Variants in CCL11 observed in about 807,000 individuals in gnomAD.
CCL11 encodes C-C motif chemokine ligand 11, also known as eotaxin.
CCL11 carries 7 observed loss-of-function variants against 7.3 expected under a neutral mutation model. The observed-to-expected ratio is 0.96, with a 90% CI of 0.55 to 1.81. The LOEUF is 1.81. CCL11 is among the 40% of genes most tolerant of loss of function. The probability of loss-of-function intolerance (pLI) is 0.00; values close to 1 mark genes in which losing one functional copy is unlikely to be tolerated. For missense variants in CCL11, 132 were observed against 114.2 expected (o/e 1.16, Z -0.71); for synonymous variants, 66 against 45.2 (o/e 1.46, Z -1.84).
rs371836921 is a variant in CCL11 at position 34,287,826 on chromosome 17, TTAA to T, written c.*137_*139del. 779 of 245,706 alleles carry T rather than the reference TTAA, an allele frequency of 3.2e-3. 3 individuals are homozygous for T. The highest frequency in any genetic ancestry group is 5.1e-3 in the African/African-American group (114 of 22,238). 15.2% of individuals were successfully genotyped at this position (245,706 alleles called of 1,614,324 possible). On this transcript the variant is annotated 3_prime_UTR_variant, in exon 3 of 3. Coordinates refer to ENST00000305869, the MANE Select transcript of CCL11 (RefSeq NM_002986.3). The stretch of plus-strand genomic sequence containing the variant: ...TTATTATATATATATATTTTTTTTT[TTAA>T]AAAAAAAACGTATTGCATTTAATTT...
rs757670053 is a variant in CCL11, at chr17:34,285,813, AG to A, written c.7del (p.Val3SerfsTer11). On this transcript the variant is annotated frameshift_variant, in exon 1 of 3. Coordinates refer to ENST00000305869, the MANE Select transcript of CCL11 (RefSeq NM_002986.3). LOFTEE classifies it high-confidence loss of function. M[K>X]VSAALLWLLL... is the part of the protein sequence containing the mutation. ...CTCACACCTTCAGCCTCCAACATGA[AG>A]GTCTCCGCAGCACTTCTGTGGCTGC... 1 of 1,611,596 alleles carries A rather than the reference AG, an allele frequency of 6.2e-7. No homozygotes were observed. The highest frequency in any genetic ancestry group is 8.5e-7 in the Non-Finnish European group (1 of 1,178,864).
intron 2 of CCL11, 140 bp downstream of exon 2, chr17:34,287,347 G>C: frequency 1.5e-6 from 1 of 680,476 alleles, no homozygotes; most frequent in South Asian, 1.8e-5. Context: ...TTTCACAAGT[G>C]AGTGTTCACT....
In CCL11 at chr17:34,285,889, G is replaced by A. The variant is rs1567648002; in HGVS notation, c.76+5G>A. 1.2e-6 allele frequency: 2 copies of A among 1,605,482 alleles called. No homozygotes were observed. The highest frequency in any genetic ancestry group is 2.2e-5 in the South Asian group (2 of 90,304). The stretch of plus-strand genomic sequence containing the variant: ...CCCAGGGGCTCGCTGGGCCAGGTAA[G>A]CCCCCCAACTCCTTACAGGAAAGGT... On this transcript the variant is annotated splice_donor_5th_base_variant and intron_variant, in intron 1 of 2. Coordinates refer to ENST00000305869, the MANE Select transcript of CCL11 (RefSeq NM_002986.3).
Position 34,288,229 on chromosome 17 carries a change from A to G in CCL11, c.*539A>G, listed in dbSNP as rs1329676118. 2 of 152,432 alleles carry G rather than the reference A, an allele frequency of 1.3e-5. No individual in the cohort carries two copies. Among genetic ancestry groups the G allele is most frequent in the African/African-American group, 2.4e-5 (1 of 41,442 alleles). The allele number at this position is 152,432 out of a possible 1,614,324, so 9.4% of individuals were successfully genotyped here. ...GGGCTTGGTTAAGGGGGTGGGAACT[A>G]TGTCCCTGGGAAATGAGTTTTTGGC... On this transcript the variant is annotated 3_prime_UTR_variant, in exon 3 of 3. Coordinates refer to ENST00000305869, the MANE Select transcript of CCL11 (RefSeq NM_002986.3).
chr17:34,286,011 G>A, intron 1 of CCL11, 127 bp downstream of exon 1: 1 of 655,856 alleles, frequency 1.5e-6, no homozygotes, highest in Non-Finnish European at 2.6e-6. Flanking sequence ...TTTTGTGGGT[G>A]GACAAGAAAT....
chr17:34,287,323 T>C (rs1230387457), intron 2 of CCL11, 116 bp downstream of exon 2: 6 of 733,942 alleles, frequency 8.2e-6, no homozygotes, highest in Admixed American at 7.4e-5. Flanking sequence ...ACCTCTATGG[T>C]CCAATTCATT....
chr17:34,287,153 G>T lies in CCL11; in HGVS notation c.134G>T (p.Arg45Leu). The T allele has an allele frequency of 3.1e-6, 5 of 1,613,916 alleles. No individual in the cohort carries two copies. The highest frequency in any genetic ancestry group is 1.1e-5 in the South Asian group (1 of 91,054). Residue 45 changes from arginine (R) to leucine (L), a missense_variant, in exon 2 of 3, where the codon CGA (arginine) becomes CTA (leucine). Transcript: ENST00000305869. ...NLANRKIPLQ[R>L]LESYRRITSG... The stretch of plus-strand genomic sequence containing the variant: ...GCCAATAGGAAGATACCCCTTCAGC[G>T]ACTAGAGAGCTACAGGAGAATCACC...
rs201654151 is a variant in CCL11 at position 34,287,817 on chromosome 17, T to TATATA, written c.*127_*128insATATA. On this transcript the variant is annotated 3_prime_UTR_variant, in exon 3 of 3. Coordinates refer to ENST00000305869, the MANE Select transcript of CCL11 (RefSeq NM_002986.3). ...GCATGGGTTTTATTATATATATATA[T>TATATA]TTTTTTTTTTAAAAAAAAAACGTAT... is the stretch of plus-strand genomic sequence containing the variant. 8.2e-6 allele frequency: 2 copies of TATATA among 243,016 alleles called. No homozygotes were observed. Among genetic ancestry groups the TATATA allele is most frequent in the Non-Finnish European group, 1.4e-5 (2 of 144,416 alleles). 15.1% of individuals were successfully genotyped at this position (243,016 alleles called of 1,614,324 possible). A position where few individuals can be genotyped will look rare whatever the true frequency, so the allele number is the denominator to read the frequency against.
Position 34,285,787 on chromosome 17 carries a change from G to T in CCL11, c.-22G>T. 3.1e-6 allele frequency: 5 copies of T among 1,602,242 alleles called. No homozygotes were observed. Among genetic ancestry groups the T allele is most frequent in the South Asian group, 1.1e-5 (1 of 89,914 alleles). On this transcript the variant is annotated 5_prime_UTR_variant, in exon 1 of 3. Transcript: ENST00000305869. Reference sequence around the variant, plus strand: ...AGAAACCACCACCTCTCACGCCAAAGCTCACACCTTCAGCCTCCAACATGA... The same window carrying T: ...AGAAACCACCACCTCTCACGCCAAATCTCACACCTTCAGCCTCCAACATGA...
chr17:34,287,528 C>G (rs1390706352), intron 2 of CCL11, 57 bp from the exon 3 acceptor site: 7 of 1,266,968 alleles, frequency 5.5e-6, no homozygotes, highest in Non-Finnish European at 8.1e-6. Flanking sequence ...TATTTAGGGT[C>G]AAATGGGCAG....
At chr17:34,287,528 C>T in intron 2 of CCL11, 57 bp from the exon 3 acceptor site, 3 of 1,267,086 alleles carry the variant, frequency 2.4e-6, no homozygotes, top group Non-Finnish European at 3.5e-6. Flanking sequence ...TATTTAGGGT[C>T]AAATGGGCAG....
rs775748052 is a variant in CCL11, at chr17:34,287,112, C to T, written c.93C>T (p.Thr31=). Residue 31 remains threonine (T), a synonymous_variant, in exon 2 of 3, where the codon ACC becomes ACT. Coordinates refer to ENST00000305869, the MANE Select transcript of CCL11 (RefSeq NM_002986.3). ...GLAGPASVPT[T]CCFNLANRKI... is the part of the protein sequence containing the mutation. Reference sequence around the variant, plus strand: ...AAAATTCAGCTTCTGTCCCAACCACCTGCTGCTTTAACCTGGCCAATAGGA... The same window carrying T: ...AAAATTCAGCTTCTGTCCCAACCACTTGCTGCTTTAACCTGGCCAATAGGA... 28 of 1,613,724 alleles carry T rather than the reference C, an allele frequency of 1.7e-5. No individual in the cohort carries two copies. The highest frequency in any genetic ancestry group is 2.4e-5 in the Non-Finnish European group (28 of 1,179,730).
intron 2 of CCL11, among the ~76,000 whole-genome samples, 163 bp from the exon 3 acceptor site, chr17:34,287,422 G>A (rs536735619): frequency 6.6e-6 from 1 of 152,238 alleles, no homozygotes; most frequent in East Asian, 1.9e-4. Flanking sequence ...AGCAAAGATG[G>A]TTTTACTGGG....
chr17:34,286,672 A>C (rs1908641508), intron 1 of CCL11, among the ~76,000 whole-genome samples: 1 of 152,268 alleles, frequency 6.6e-6, no homozygotes. Context: ...GACACCCATC[A>C]CTTTGTCTCC....
At position 34,287,369 on chromosome 17, in the gene CCL11, G is replaced by T. The variant is rs77512792; in HGVS notation, c.188+162G>T. Reference sequence around the variant, plus strand: ...AGTGAGTGTTCACTCCCAGCTCCCTGCCTGGGAGATTGCTGTAGTCATATC... The same window carrying T: ...AGTGAGTGTTCACTCCCAGCTCCCTTCCTGGGAGATTGCTGTAGTCATATC... On this transcript the variant is annotated intron_variant, in intron 2 of 2. Transcript: ENST00000305869. 5.3e-5 allele frequency among the ~76,000 whole-genome samples: 8 copies of T among 152,218 alleles called. No individual in the cohort carries two copies. The East Asian group carries it at 1.4e-3, about 26-fold the overall frequency.
At position 34,285,848 on chromosome 17, in the gene CCL11, G is replaced by A. The variant is rs768878386; in HGVS notation, c.40G>A (p.Ala14Thr). The A allele has an allele frequency of 8.1e-6, 13 of 1,612,742 alleles. No homozygotes were observed. The South Asian group carries it at 1.3e-4, about 16-fold the overall frequency. The change falls in exon 1 of 3, where the codon GCA becomes ACA. Residue 14 changes from alanine (A) to threonine (T), a missense_variant. Physicochemically the swap from Ala to Thr is moderately conservative, Grantham distance 58. Transcript: ENST00000305869. ...AGCACTTCTGTGGCTGCTGCTCATA[G>A]CAGCTGCCTTCAGCCCCCAGGGGCT... ...SAALLWLLLIAAAFSPQGLAG... is the reference protein window; with the variant it reads ...SAALLWLLLITAAFSPQGLAG...
chr17:34,286,075 T>C (rs555329093), intron 1 of CCL11, among the ~76,000 whole-genome samples, 191 bp downstream of exon 1: 1 of 152,238 alleles, frequency 6.6e-6, no homozygotes, highest in East Asian at 1.9e-4. Flanking sequence ...AGCTCCCGAG[T>C]CTTTTCCCCA....
chr17:34,287,238 C>A, intron 2 of CCL11, 31 bp downstream of exon 2: 2 of 1,467,566 alleles, frequency 1.4e-6, no homozygotes, highest in Non-Finnish European at 1.9e-6. Context: ...CTCCCCTAGA[C>A]AAAAAAATAA....
intron 1 of CCL11, among the ~76,000 whole-genome samples, chr17:34,286,337 C>A (rs765693422): frequency 5.9e-5 from 9 of 152,178 alleles, no homozygotes; most frequent in Admixed American, 5.2e-4. Flanking sequence ...GGAAAGTTAT[C>A]TAGGAGATTT....
Sources: gnomAD v4.1 joint callset for allele counts (sites outside exome capture counted in the v4.1 genomes callset) on GRCh38, gnomAD v4.1.1 for gene constraint, MANE v1.5 for transcripts, NCBI Gene and HGNC (gene_info 2026-07-23, HGNC 2026-07-21) for gene names.